The following ABI2 variants were observed in gnomAD, a reference collection of about 807,000 sequenced individuals.
The protein encoded by ABI2 is abelson interactor 2.
A neutral mutation model predicts 59.2 loss-of-function variants in ABI2; 25 were observed. That is an observed-to-expected ratio of 0.42 (90% CI 0.31 to 0.59). The LOEUF is 0.59. Among genes scored for constraint, ABI2 ranks in the 20% least tolerant of loss-of-function variants. The pLI, the probability that ABI2 is intolerant of heterozygous loss-of-function variation, is 0.14. For synonymous variants in ABI2, 213 were observed against 235.5 expected (o/e 0.90, Z 0.87); for missense variants, 545 against 681.8 (o/e 0.80, Z 2.23).
At chr2:203,395,589 T>A in intron 6 of ABI2, 67 bp from the exon 7 acceptor site, 1 of 1,502,976 alleles carries the variant, frequency 6.7e-7, no homozygotes. Flanking sequence ...TCAGAAAATG[T>A]CGGGAAGTGC....
At chr2:203,397,350 A>G (rs947576135) in intron 8 of ABI2, among the ~76,000 whole-genome samples, 1 of 152,244 alleles carries the variant, frequency 6.6e-6, no homozygotes, top group Non-Finnish European at 1.5e-5. Flanking sequence ...TTTATAGGAA[A>G]TATTTGATAC....
intron 4 of ABI2, among the ~76,000 whole-genome samples, chr2:203,388,815 C>T (rs1357308345): frequency 6.6e-6 from 1 of 152,014 alleles, no homozygotes; most frequent in Non-Finnish European, 1.5e-5. Context: ...ACAAAAACAC[C>T]TTGCATACCA....
chr2:203,390,162 ATAAGAAGATACTAAC>A (rs1327256949), intron 4 of ABI2, among the ~76,000 whole-genome samples: 17 of 152,222 alleles, frequency 1.1e-4, no homozygotes, highest in African/African-American at 4.1e-4. Context: ...TGGTTCCCTC[ATAAGAAGATACTAAC>A]TAAATCTGAC....
intron 8 of ABI2, among the ~76,000 whole-genome samples, chr2:203,399,999 C>A (rs183592613): frequency 6.7e-6 from 1 of 150,140 alleles, no homozygotes; most frequent in African/African-American, 2.4e-5. Flanking sequence ...CAGGTTTTAT[C>A]GCTAGGTTTA....
chr2:203,386,092 A>G (rs1050599710), intron 4 of ABI2, among the ~76,000 whole-genome samples: 3 of 152,160 alleles, frequency 2.0e-5, no homozygotes, highest in Non-Finnish European at 4.4e-5. Context: ...AGGAACATAC[A>G]TCCTCTGAAG....
intron 2 of ABI2, among the ~76,000 whole-genome samples, chr2:203,370,186 T>TTCTCCCTCTCTCTC (rs2094991845): frequency 7.3e-6 from 1 of 136,686 alleles, no homozygotes; most frequent in Non-Finnish European, 1.5e-5. Context: ...CATTCTCCTA[T>TTCTCCCTCTCTCTC]TCTCTCTCTC....
At chr2:203,350,891 T>C (rs139063422) in intron 1 of ABI2, among the ~76,000 whole-genome samples, 299 of 124,228 alleles carry the variant, frequency 2.4e-3, no homozygotes, top group South Asian at 3.0e-3. Flanking sequence ...TGTGTGTGTG[T>C]GCGCGCGCGC....
chr2:203,411,450 A>AT, intron 10 of ABI2, 79 bp downstream of exon 10: 1 of 1,108,746 alleles, frequency 9.0e-7, no homozygotes, highest in Non-Finnish European at 1.3e-6. Flanking sequence ...CTGGATAGTC[A>AT]TTCATTTGCT....
At chr2:203,389,502 C>T (rs1203310763) in intron 4 of ABI2, among the ~76,000 whole-genome samples, 1 of 152,112 alleles carries the variant, frequency 6.6e-6, no homozygotes, top group Non-Finnish European at 1.5e-5. Context: ...GTTTTGATAG[C>T]CTCACTTCTC....
chr2:203,361,181 G>A (rs916391800), intron 1 of ABI2, among the ~76,000 whole-genome samples: 4 of 152,184 alleles, frequency 2.6e-5, no homozygotes, highest in African/African-American at 4.8e-5. Context: ...GGCCTGTCTT[G>A]AGTCAGTGCC....
Position 203,396,159 on chromosome 2 carries a change from A to C in ABI2, c.850+379A>C, listed in dbSNP as rs1265929836. On this transcript the variant is annotated intron_variant, in intron 7 of 11. Transcript: ENST00000261018. ...AAAAGTAGTTTTGACAGTTAAATTTAGTGGCTGTATTGGAATTTAGTAGTC... is the reference window on the plus strand; with the variant it reads ...AAAAGTAGTTTTGACAGTTAAATTTCGTGGCTGTATTGGAATTTAGTAGTC... 2.0e-5 allele frequency among the ~76,000 whole-genome samples: 3 copies of C among 152,236 alleles called. No homozygotes were observed. The South Asian group carries it at 6.2e-4, about 31-fold the overall frequency.
At chr2:203,375,429 A>G (rs770902149) in intron 2 of ABI2, among the ~76,000 whole-genome samples, 10 of 152,218 alleles carry the variant, frequency 6.6e-5, no homozygotes, top group Non-Finnish European at 1.3e-4. Flanking sequence ...AAAAACCCAG[A>G]ATAAATTTGA....
intron 1 of ABI2, among the ~76,000 whole-genome samples, chr2:203,334,845 G>T (rs1294488558): frequency 1.3e-5 from 2 of 151,980 alleles, no homozygotes; most frequent in Non-Finnish European, 2.9e-5. Flanking sequence ...ATTTTTAGTA[G>T]AGACGGGGTT....
In ABI2 at chr2:203,341,211, G is replaced by A. The variant is rs147572213; in HGVS notation, c.117+12580G>A. 6.7e-3 allele frequency among the ~76,000 whole-genome samples: 1,011 copies of A among 151,874 alleles called. 7 individuals are homozygous for A. Among genetic ancestry groups the A allele is most frequent in the Middle Eastern group, 0.014 (4 of 294 alleles). ...ACTTATCCTTCCATGCTTTTTTTAC[G>A]CCTACATATTTTCTCTTAACATACA... is the stretch of plus-strand genomic sequence containing the variant. On this transcript the variant is annotated intron_variant, in intron 1 of 11. Coordinates refer to ENST00000261018, the MANE Select transcript of ABI2 (RefSeq NM_001375670.1).
At chr2:203,361,874 C>G (rs149793782) in intron 1 of ABI2, among the ~76,000 whole-genome samples, 114 of 152,212 alleles carry the variant, frequency 7.5e-4, no homozygotes, top group Middle Eastern at 3.4e-3. Context: ...TTGCAGGAAT[C>G]GAAATTTTGA....
intron 9 of ABI2, among the ~76,000 whole-genome samples, chr2:203,409,235 C>G (rs191890691): frequency 8.3e-4 from 127 of 152,256 alleles, no homozygotes; most frequent in Non-Finnish European, 9.7e-4. Flanking sequence ...GAAGCAGACA[C>G]GCAAGTCAAG....
rs2094931483 is a variant in ABI2, at chr2:203,369,785, A to G, written c.285+2741A>G. On this transcript the variant is annotated intron_variant, in intron 2 of 11. Coordinates refer to ENST00000261018, the MANE Select transcript of ABI2 (RefSeq NM_001375670.1). Reference sequence around the variant, plus strand: ...AATTCTCAGTGGCTGTTAAGTTTATACAGAATATAAATTATTATGTTGGAT... The same window carrying G: ...AATTCTCAGTGGCTGTTAAGTTTATGCAGAATATAAATTATTATGTTGGAT... Among the ~76,000 whole-genome samples, 3 of 152,198 alleles carry G rather than the reference A, an allele frequency of 2.0e-5. No homozygotes were observed. In the South Asian group the frequency reaches 6.2e-4, roughly 32 times the overall value.
chr2:203,359,157 A>G (rs1208471842), intron 1 of ABI2, among the ~76,000 whole-genome samples: 1 of 152,202 alleles, frequency 6.6e-6, no homozygotes, highest in Non-Finnish European at 1.5e-5. Flanking sequence ...GGATGGAGAG[A>G]AGGCATTTTG....
chr2:203,394,053 C>T (rs1369917678), intron 5 of ABI2, among the ~76,000 whole-genome samples: 1 of 152,056 alleles, frequency 6.6e-6, no homozygotes, highest in Non-Finnish European at 1.5e-5. Context: ...TCATTCCCTT[C>T]CCCCCACCTT....
Sources: allele counts gnomAD v4.1 joint callset (sites outside exome capture counted in the v4.1 genomes callset), GRCh38; gene constraint gnomAD v4.1.1; transcripts MANE v1.5; gene names NCBI Gene and HGNC (gene_info 2026-07-23, HGNC 2026-07-21).